Variants in SRL observed in about 807,000 individuals in gnomAD.
SRL encodes the protein sarcalumenin.
A neutral mutation model predicts 39.5 loss-of-function variants in SRL; 23 were observed. The observed-to-expected ratio is 0.58, with a 90% CI of 0.42 to 0.82. SRL has a LOEUF of 0.82. Among genes scored for constraint, SRL ranks in the 40% least tolerant of loss-of-function variants. SRL has a pLI of 0.00. For missense variants in SRL, 592 were observed against 607.8 expected, an observed-to-expected ratio of 0.97 and a Z score of 0.27; for synonymous variants, 272 against 237.4, an observed-to-expected ratio of 1.15 and a Z score of -1.34.
chr16:4,203,361 T>G, intron 2 of SRL, 100 bp from the exon 3 acceptor site: 4 of 921,486 alleles, frequency 4.3e-6, no homozygotes, highest in Non-Finnish European at 7.0e-6. Context: ...GCTCCACCCC[T>G]GCCTGGTGGG....
intron 3 of SRL, among the ~76,000 whole-genome samples, chr16:4,202,036 C>T (rs1374576363): frequency 1.3e-5 from 2 of 152,134 alleles, no homozygotes; most frequent in African/African-American, 2.4e-5. Context: ...AGCCATCCTC[C>T]CACCTCTGCC....
At chr16:4,212,606 C>T (rs774646551) in intron 1 of SRL, among the ~76,000 whole-genome samples, 1 of 152,186 alleles carries the variant, frequency 6.6e-6, no homozygotes, top group Non-Finnish European at 1.5e-5. Flanking sequence ...CATGAAGTAC[C>T]GCACTGTATG....
chr16:4,240,768 G>A (rs960185275), intron 1 of SRL, among the ~76,000 whole-genome samples: 3 of 152,154 alleles, frequency 2.0e-5, no homozygotes, highest in South Asian at 2.1e-4. Context: ...GAGCGGCCAC[G>A]AAGGGAGAGG....
intron 3 of SRL, among the ~76,000 whole-genome samples, chr16:4,202,046 C>G (rs1158515481): frequency 5.9e-5 from 9 of 152,196 alleles, no homozygotes; most frequent in Admixed American, 3.9e-4. Context: ...CCACCTCTGC[C>G]TCCCAAAGTA....
intron 1 of SRL, among the ~76,000 whole-genome samples, chr16:4,228,462 G>A (rs992251289): frequency 3.3e-5 from 5 of 151,918 alleles, no homozygotes; most frequent in African/African-American, 7.3e-5. Context: ...AAGGCTGGAC[G>A]CAGTGGCTCA....
chr16:4,198,040 C>A (rs959895242), intron 3 of SRL, 125 bp from the exon 4 acceptor site: 4 of 700,350 alleles, frequency 5.7e-6, no homozygotes, highest in Admixed American at 2.2e-5. Context: ...ATGAATCAGA[C>A]GTGTGTAGCC....
chr16:4,220,278 A>AACAC (rs71394664), intron 1 of SRL, among the ~76,000 whole-genome samples: 17,878 of 140,694 alleles, frequency 0.13, 1,236 homozygotes, highest in African/African-American at 0.18. Flanking sequence ...TCTCTACTAA[A>AACAC]ACACACACAC....
intron 1 of SRL, among the ~76,000 whole-genome samples, chr16:4,217,561 T>C (rs2052474348): frequency 6.6e-6 from 1 of 152,120 alleles, no homozygotes; most frequent in Non-Finnish European, 1.5e-5. Context: ...CCTGCTGTCT[T>C]ACCACTGGCG....
At chr16:4,224,070 AG>A (rs1476364009) in intron 1 of SRL, among the ~76,000 whole-genome samples, 1 of 152,094 alleles carries the variant, frequency 6.6e-6, no homozygotes, top group Non-Finnish European at 1.5e-5. Flanking sequence ...TCTAGTAGCC[AG>A]AGCTGCCCAG....
At chr16:4,204,404 G>T in intron 2 of SRL, 129 bp downstream of exon 2, 1 of 57,470 alleles carries the variant, frequency 1.7e-5, no homozygotes, top group Non-Finnish European at 2.7e-5. Context: ...CAGCCTCCAA[G>T]ATAGATACAG....
intron 1 of SRL, among the ~76,000 whole-genome samples, chr16:4,228,535 A>C (rs1313587486): frequency 1.3e-5 from 2 of 152,000 alleles, no homozygotes; most frequent in African/African-American, 4.8e-5. Flanking sequence ...GGAGATCGAG[A>C]CCATCCTGGC....
At chr16:4,219,341 G>C (rs763856331) in intron 1 of SRL, among the ~76,000 whole-genome samples, 2 of 152,242 alleles carry the variant, frequency 1.3e-5, no homozygotes, top group Non-Finnish European at 2.9e-5. Flanking sequence ...GTCCCTGGGA[G>C]CTGGGGCCCC....
At chr16:4,202,254 G>A (rs778463242) in intron 3 of SRL, among the ~76,000 whole-genome samples, 3 of 152,194 alleles carry the variant, frequency 2.0e-5, no homozygotes, top group Non-Finnish European at 4.4e-5. Flanking sequence ...GAAATGCTTG[G>A]AAGGCTTCAC....
At chr16:4,230,306 A>G (rs768322959) in intron 1 of SRL, among the ~76,000 whole-genome samples, 15 of 152,082 alleles carry the variant, frequency 9.9e-5, no homozygotes, top group Non-Finnish European at 1.6e-4. Context: ...CCAGTGGAAG[A>G]CCATCCCCTA....
chr16:4,214,625 C>A (rs759320061), intron 1 of SRL, among the ~76,000 whole-genome samples: 4 of 152,220 alleles, frequency 2.6e-5, no homozygotes, highest in African/African-American at 4.8e-5. Context: ...AGCAGGCAGC[C>A]TGCCCCCTTC....
intron 1 of SRL, among the ~76,000 whole-genome samples, chr16:4,213,065 G>A (rs2141045535): frequency 6.6e-6 from 1 of 152,228 alleles, no homozygotes; most frequent in Middle Eastern, 3.4e-3. Context: ...GTGGGACAGA[G>A]TCCAAATATA....
Position 4,241,998 on chromosome 16 carries a change from GGGCCC to G in SRL, c.61+4_61+8del. ...AGTCTGGGCTGGGTCATGCTGGGAG[GGGCCC>G]TACCTGCTTGTCCTGAGAACAGGAG... On this transcript the variant is annotated splice_donor_5th_base_variant and intron_variant, in intron 1 of 5. Transcript: ENST00000399609. The G allele has an allele frequency of 6.2e-7, 1 of 1,613,776 alleles. No individual in the cohort carries two copies. The highest frequency in any genetic ancestry group is 1.1e-5 in the South Asian group (1 of 91,018).
chr16:4,209,103 T>C (rs1021657309), intron 1 of SRL, among the ~76,000 whole-genome samples: 46 of 151,992 alleles, frequency 3.0e-4, no homozygotes, highest in African/African-American at 1.1e-3. Context: ...TGAAACCCCA[T>C]CTCTACTAAA....
intron 1 of SRL, among the ~76,000 whole-genome samples, chr16:4,241,179 C>T (rs934627398): frequency 2.6e-5 from 4 of 152,228 alleles, no homozygotes; most frequent in African/African-American, 4.8e-5. Flanking sequence ...GGGGGATCCC[C>T]GGAGCACCTC....
Sources: gnomAD v4.1 joint callset for allele counts (sites outside exome capture counted in the v4.1 genomes callset) on GRCh38, gnomAD v4.1.1 for gene constraint, MANE v1.5 for transcripts, NCBI Gene and HGNC (gene_info 2026-07-23, HGNC 2026-07-21) for gene names.